The following RAMP1 variants were observed in gnomAD, a reference collection of about 807,000 sequenced individuals.
RAMP1 encodes the protein receptor activity modifying protein 1.
In RAMP1, 7 loss-of-function variants were observed where a neutral mutation model predicts 8.2. That is an observed-to-expected ratio of 0.85 (90% CI 0.49 to 1.60). The LOEUF is 1.60. RAMP1 is among the 40% of genes most tolerant of loss of function. The pLI is 0.00. For missense variants in RAMP1, 192 were observed against 202.4 expected (o/e 0.95, Z 0.31); for synonymous variants, 92 against 84.7 (o/e 1.09, Z -0.47).
intron 2 of RAMP1, among the ~76,000 whole-genome samples, chr2:237,886,247 C>T (rs1006242648): frequency 1.3e-5 from 2 of 152,204 alleles, no homozygotes; most frequent in African/African-American, 4.8e-5. Flanking sequence ...CCTGTAGTCT[C>T]CTTGGCGCGC....
rs567629712 is a variant in RAMP1, at chr2:237,863,927, C to T, written c.52+4200C>T. On this transcript the variant is annotated intron_variant, in intron 1 of 2. Coordinates refer to ENST00000254661, the MANE Select transcript of RAMP1 (RefSeq NM_005855.4). ...GCCAGGGTCAGCACCACCTCCACCC[C>T]TCACGGGGACAACTGCCCAGCCTCC... is the stretch of plus-strand genomic sequence containing the variant. Among the ~76,000 whole-genome samples the T allele has an allele frequency of 3.3e-5, 5 of 152,234 alleles. No individual in the cohort carries two copies. In the South Asian group the frequency reaches 1.0e-3, roughly 32 times the overall value.
At chr2:237,910,936 A>G (rs530451165) in intron 2 of RAMP1, among the ~76,000 whole-genome samples, 1 of 150,686 alleles carries the variant, frequency 6.6e-6, no homozygotes, top group East Asian at 1.9e-4. Context: ...CACACACAGA[A>G]TAACAGTCAC....
At chr2:237,895,387 G>T (rs1466513355) in intron 2 of RAMP1, among the ~76,000 whole-genome samples, 1 of 152,108 alleles carries the variant, frequency 6.6e-6, no homozygotes, top group Non-Finnish European at 1.5e-5. Flanking sequence ...CCATTTTAAA[G>T]GTGAAAACAC....
rs1385498859 is a variant in RAMP1 at position 237,865,318 on chromosome 2, G to A, written c.52+5591G>A. On this transcript the variant is annotated intron_variant, in intron 1 of 2. Transcript: ENST00000254661. This position sits in a 1 kb window ranked among gnomAD's most constrained non-coding sequence, Gnocchi z 4.2. The stretch of plus-strand genomic sequence containing the variant: ...GAGAGGAGAGGAGGGGAGGGCAGGG[G>A]AGAAGAGAGGAGGGGAGGGGAGGGC... Among the ~76,000 whole-genome samples, 1 of 114,012 alleles carries A rather than the reference G, an allele frequency of 8.8e-6. No individual in the cohort carries two copies. The highest frequency in any genetic ancestry group is 3.2e-4 in the East Asian group (1 of 3,122). The allele number at this position is 114,012 out of a possible 152,430, so 74.8% of individuals were successfully genotyped here.
chr2:237,912,079 G>A lies in RAMP1; in HGVS notation c.*296G>A, dbSNP rs1469357331. The A allele has an allele frequency of 2.3e-6, 1 of 437,246 alleles. No individual in the cohort carries two copies. Among genetic ancestry groups the A allele is most frequent in the Admixed American group, 3.7e-5 (1 of 27,042 alleles). The allele number at this position is 437,246 out of a possible 1,614,324, so 27.1% of individuals were successfully genotyped here. A position where few individuals can be genotyped will look rare whatever the true frequency, so the allele number is the denominator to read the frequency against. ...CCATAGCCACATTTGTGGATGAGTG[G>A]TTTGTGATTAAAAGGGATGTTCTTG... On this transcript the variant is annotated 3_prime_UTR_variant, in exon 3 of 3. Transcript: ENST00000254661.
chr2:237,900,670 G>T (rs2062588146), intron 2 of RAMP1, among the ~76,000 whole-genome samples: 1 of 152,008 alleles, frequency 6.6e-6, no homozygotes, highest in South Asian at 2.1e-4. Context: ...TGCCGATCTT[G>T]TTCTCTTAAT....
intron 1 of RAMP1, among the ~76,000 whole-genome samples, chr2:237,867,229 C>T (rs2151003432): frequency 6.6e-6 from 1 of 151,926 alleles, no homozygotes; most frequent in South Asian, 2.1e-4. Flanking sequence ...AGTGAGATCC[C>T]ATCTCAAAAA....
intron 1 of RAMP1, among the ~76,000 whole-genome samples, chr2:237,869,164 G>A (rs1390531447): frequency 4.6e-5 from 7 of 152,188 alleles, no homozygotes; most frequent in African/African-American, 9.6e-5. Flanking sequence ...GTGTTGCTGC[G>A]TGTTCACGCA....
chr2:237,880,695 G>A (rs903552780), intron 2 of RAMP1, among the ~76,000 whole-genome samples: 8 of 152,304 alleles, frequency 5.3e-5, no homozygotes, highest in South Asian at 4.1e-4. Context: ...CTTGGGAGCC[G>A]ACGCAGCATT....
chr2:237,911,871 C>T lies in RAMP1; in HGVS notation c.*88C>T. Reference sequence around the variant, plus strand: ...AGGGGCAGCTTCTGGAGCCTTGGGACAGAGCAGGCCCACAATGCCCCCCTT... The same window carrying T: ...AGGGGCAGCTTCTGGAGCCTTGGGATAGAGCAGGCCCACAATGCCCCCCTT... On this transcript the variant is annotated 3_prime_UTR_variant, in exon 3 of 3. Coordinates refer to ENST00000254661, the MANE Select transcript of RAMP1 (RefSeq NM_005855.4). 1.4e-6 allele frequency: 2 copies of T among 1,470,638 alleles called. No individual in the cohort carries two copies. Among genetic ancestry groups the T allele is most frequent in the South Asian group, 2.7e-5 (2 of 73,638 alleles). 91.1% of individuals were successfully genotyped at this position (1,470,638 alleles called of 1,614,324 possible).
In RAMP1 at chr2:237,900,866, C is replaced by T. The variant is rs542170016; in HGVS notation, c.192-10662C>T. On this transcript the variant is annotated intron_variant, in intron 2 of 2. Coordinates refer to ENST00000254661, the MANE Select transcript of RAMP1 (RefSeq NM_005855.4). ...GGGGATTTGATGAGTCTCTTTTTGCCGCCTAACACAGACCCAGGGGCCTTT... is the reference window on the plus strand; with the variant it reads ...GGGGATTTGATGAGTCTCTTTTTGCTGCCTAACACAGACCCAGGGGCCTTT... Among the ~76,000 whole-genome samples the T allele has an allele frequency of 1.3e-3, 201 of 152,094 alleles. 2 individuals are homozygous for T. Among genetic ancestry groups the T allele is most frequent in the African/African-American group, 4.4e-3 (182 of 41,494 alleles).
rs147792310 is a variant in RAMP1 at position 237,894,938 on chromosome 2, G to C, written c.192-16590G>C. On this transcript the variant is annotated intron_variant, in intron 2 of 2. Coordinates refer to ENST00000254661, the MANE Select transcript of RAMP1 (RefSeq NM_005855.4). ...TCTGGTTGTGGTTCTCCTTCGACAA[G>C]TTAGGTGAAGGCACCTTGGTAGCAG... Among the ~76,000 whole-genome samples, 31 of 152,300 alleles carry C rather than the reference G, an allele frequency of 2.0e-4. No homozygotes were observed. In the East Asian group the frequency reaches 6.0e-3, roughly 29 times the overall value.
intron 1 of RAMP1, among the ~76,000 whole-genome samples, chr2:237,871,042 G>T (rs571930000): frequency 6.6e-6 from 1 of 152,222 alleles, no homozygotes; most frequent in Non-Finnish European, 1.5e-5. Flanking sequence ...GGCTTTGGCG[G>T]GGTAAGCGGC....
At chr2:237,886,689 A>T (rs1402681996) in intron 2 of RAMP1, among the ~76,000 whole-genome samples, 1 of 152,182 alleles carries the variant, frequency 6.6e-6, no homozygotes, top group Non-Finnish European at 1.5e-5. Flanking sequence ...CCTTCCCCAG[A>T]CCCTGTGGTG....
intron 2 of RAMP1, among the ~76,000 whole-genome samples, chr2:237,909,803 G>A (rs1435514999): frequency 2.0e-5 from 3 of 152,140 alleles, no homozygotes; most frequent in Admixed American, 1.3e-4. Context: ...TTCAGAAACA[G>A]ATGGCGTTTG....
At chr2:237,875,304 A>G (rs545417737) in intron 1 of RAMP1, among the ~76,000 whole-genome samples, 11 of 152,220 alleles carry the variant, frequency 7.2e-5, no homozygotes, top group African/African-American at 2.4e-4. Context: ...CAGTGCTGGT[A>G]TGGACATGGT....
intron 2 of RAMP1, among the ~76,000 whole-genome samples, chr2:237,910,394 CACAG>C (rs796509197): frequency 1.0e-4 from 15 of 150,410 alleles, no homozygotes; most frequent in African/African-American, 3.5e-4. Context: ...CACACACACA[CACAG>C]AGTAACACAG....
intron 2 of RAMP1, among the ~76,000 whole-genome samples, chr2:237,879,916 G>A (rs1005330518): frequency 6.7e-6 from 1 of 150,170 alleles, no homozygotes; most frequent in African/African-American, 2.5e-5. Context: ...CTTGAACCCA[G>A]GAGGCGGAGG....
intron 2 of RAMP1, among the ~76,000 whole-genome samples, chr2:237,904,624 T>G (rs1015231297): frequency 1.2e-4 from 19 of 152,038 alleles, no homozygotes; most frequent in African/African-American, 4.3e-4. Flanking sequence ...TAAATAAATT[T>G]TAAAAAGCGA....
Sources: gnomAD v4.1 joint callset for allele counts (sites outside exome capture counted in the v4.1 genomes callset) on GRCh38, gnomAD v4.1.1 for gene constraint, Gnocchi (gnomAD v3.1) non-coding constraint, MANE v1.5 for transcripts, NCBI Gene and HGNC (gene_info 2026-07-23, HGNC 2026-07-21) for gene names.